The following CYBC1 variants were observed in gnomAD, a reference collection of about 807,000 sequenced individuals.
CYBC1 encodes the protein essential for reactive oxygen species protein.
CYBC1 carries 22 observed loss-of-function variants against 21.7 expected under a neutral mutation model. The observed-to-expected ratio is 1.02, with a 90% CI of 0.73 to 1.45. The LOEUF (loss-of-function observed/expected upper bound fraction) is 1.45. Ranked by LOEUF, CYBC1 falls within the 40% of genes most tolerant of loss-of-function variation. The pLI is 0.00. For synonymous variants in CYBC1, 112 were observed against 98.7 expected (o/e 1.13, Z -0.80); for missense variants, 237 against 242.1 (o/e 0.98, Z 0.14).
intron 5 of CYBC1, 166 bp downstream of exon 5, chr17:82,445,698 G>C (rs892498878): frequency 1.7e-6 from 1 of 573,248 alleles, no homozygotes; most frequent in Non-Finnish European, 3.1e-6. Flanking sequence ...GGGCGTATCC[G>C]TGGGATCCTG....
intron 1 of CYBC1, chr17:82,450,438 G>A (rs1173826073): frequency 6.6e-6 from 1 of 152,232 alleles, no homozygotes; most frequent in East Asian, 1.9e-4. Flanking sequence ...GCGGACACAA[G>A]CACACGCGCG....
chr17:82,448,223 G>A (rs1367255304), intron 2 of CYBC1: 1 of 190,718 alleles, frequency 5.2e-6, no homozygotes, highest in African/African-American at 2.4e-5. Flanking sequence ...CTACTGGTGG[G>A]TAGCGATGGA....
intron 6 of CYBC1, 161 bp downstream of exon 6, chr17:82,444,286 T>C (rs1012173509): frequency 1.5e-5 from 21 of 1,418,554 alleles, no homozygotes; most frequent in Non-Finnish European, 2.0e-5. Flanking sequence ...CCCGTCACAG[T>C]GGGGCTGCCC....
chr17:82,449,684 G>C (rs1317515633), intron 1 of CYBC1: 1 of 166,906 alleles, frequency 6.0e-6, no homozygotes, highest in Non-Finnish European at 1.3e-5. Context: ...CCTCCACCAA[G>C]AAAGGAACTG....
At chr17:82,445,552 C>T in intron 5 of CYBC1, 1 of 260,452 alleles carries the variant, frequency 3.8e-6, no homozygotes. Context: ...CCCGGGTGGG[C>T]CAGACCCCTG....
At chr17:82,444,412 G>A (rs756736470) in intron 6 of CYBC1, 35 bp downstream of exon 6, 20 of 1,574,700 alleles carry the variant, frequency 1.3e-5, no homozygotes, top group Non-Finnish European at 1.7e-5. Context: ...TGCTACGGCT[G>A]CAGCTCCGGC....
At chr17:82,444,624 C>T in intron 5 of CYBC1, 33 bp from the exon 6 acceptor site, 1 of 1,569,000 alleles carries the variant, frequency 6.4e-7, no homozygotes, top group Non-Finnish European at 8.7e-7. Context: ...CGAGCCATCC[C>T]CGCCCACACA....
chr17:82,446,540 C>G, intron 4 of CYBC1, 83 bp downstream of exon 4: 45 of 1,370,030 alleles, frequency 3.3e-5, no homozygotes, highest in Non-Finnish European at 4.3e-5. Flanking sequence ...ACCCAGGGCC[C>G]TTCCTCCTCC....
chr17:82,447,669 A>G (rs1318277857), intron 2 of CYBC1, 48 bp from the exon 3 acceptor site: 1 of 1,537,212 alleles, frequency 6.5e-7, no homozygotes, highest in East Asian at 2.3e-5. Context: ...GTAAGACCCC[A>G]CCTCCCTGGT....
intron 4 of CYBC1, among the ~76,000 whole-genome samples, 162 bp downstream of exon 4, chr17:82,446,461 G>A (rs1049034271): frequency 2.6e-5 from 4 of 152,192 alleles, no homozygotes; most frequent in Admixed American, 6.5e-5. Flanking sequence ...ATGAGTGCAG[G>A]GGCCATGTCC....
At chr17:82,446,731 C>T in intron 3 of CYBC1, 35 bp from the exon 4 acceptor site, 1 of 1,608,356 alleles carries the variant, frequency 6.2e-7, no homozygotes, top group Non-Finnish European at 8.5e-7. Flanking sequence ...CCTGTGAGCT[C>T]CAGGGACATG....
rs1371309210 is a variant in CYBC1, at chr17:82,444,592, C to T, written c.299-1G>A. 6.9e-6 allele frequency: 11 copies of T among 1,599,798 alleles called. No individual in the cohort carries two copies. The highest frequency in any genetic ancestry group is 9.4e-6 in the Non-Finnish European group (11 of 1,169,462). On this transcript the variant is annotated splice_acceptor_variant, in intron 5 of 6. Transcript: ENST00000306645. LOFTEE classifies it high-confidence loss of function. ...CGGACATCATGGAGCAGGACCACCA[C>T]TGCGGGGAGACGGTCAGTGGCCGAG...
At chr17:82,446,038 C>G in intron 4 of CYBC1, 78 bp from the exon 5 acceptor site, 1 of 1,168,068 alleles carries the variant, frequency 8.6e-7, no homozygotes, top group Non-Finnish European at 1.3e-6. Flanking sequence ...CACCCCCACC[C>G]TCACCAGGGT....
chr17:82,443,375 C>T lies in CYBC1; in HGVS notation c.*629G>A, dbSNP rs969284886. On this transcript the variant is annotated 3_prime_UTR_variant, in exon 7 of 7. Transcript: ENST00000306645. This position sits in a 1 kb window ranked among gnomAD's most constrained non-coding sequence, Gnocchi z 6.7. ...GAGATCCTGGCATCAGCAAGGGAGG[C>T]GGGTCCTCGGGGAGGGGCAGCTTCC... 3.5e-5 allele frequency: 17 copies of T among 485,388 alleles called. No individual in the cohort carries two copies. Among genetic ancestry groups the T allele is most frequent in the South Asian group, 2.7e-4 (14 of 51,482 alleles). The allele number at this position is 485,388 out of a possible 1,614,324, so 30.1% of individuals were successfully genotyped here. A position where few individuals can be genotyped will look rare whatever the true frequency, so the allele number is the denominator to read the frequency against.
intron 6 of CYBC1, 51 bp downstream of exon 6, chr17:82,444,395 AG>A: frequency 1.9e-6 from 3 of 1,563,538 alleles, no homozygotes; most frequent in Non-Finnish European, 2.6e-6. Context: ...CAGGAACGGG[AG>A]TGACCTGCTA....
rs955831793 is a variant in CYBC1, at chr17:82,443,950, G to C, written c.*54C>G. The C allele has an allele frequency of 8.8e-6, 14 of 1,599,034 alleles. No individual in the cohort carries two copies. Among genetic ancestry groups the C allele is most frequent in the Admixed American group, 1.7e-5 (1 of 59,682 alleles). The stretch of plus-strand genomic sequence containing the variant: ...GCGGTGCACGGGCTCAGGCACACCG[G>C]GAATGTGCCATGGGTCCTGTGGGCG... On this transcript the variant is annotated 3_prime_UTR_variant, in exon 7 of 7. Transcript: ENST00000306645. The surrounding 1 kb of genome is among the most constrained non-coding windows in gnomAD (Gnocchi z 6.7).
At position 82,447,630 on chromosome 17, in the gene CYBC1, AGAAAGT is replaced by A; in HGVS notation, c.86-15_86-10del. The A allele has an allele frequency of 6.3e-7, 1 of 1,591,102 alleles. No homozygotes were observed. Among genetic ancestry groups the A allele is most frequent in the South Asian group, 1.2e-5 (1 of 86,664 alleles). ...GCCAATCGACAAGATTCCTATGAAG[AGAAAGT>A]GACTGCCTGCCTATTGATCCCGGTA... On this transcript the variant is annotated splice_polypyrimidine_tract_variant and intron_variant, in intron 2 of 6. Transcript: ENST00000306645.
intron 3 of CYBC1, 76 bp downstream of exon 3, chr17:82,447,504 G>A (rs1009363860): frequency 1.4e-5 from 16 of 1,103,906 alleles, no homozygotes; most frequent in Non-Finnish European, 1.6e-5. Context: ...AGTCACAAAT[G>A]ACAGTTTTTC....
In CYBC1 at chr17:82,443,253, G is replaced by C. The variant is rs1240319278; in HGVS notation, c.*751C>G. 3 of 354,688 alleles carry C rather than the reference G, an allele frequency of 8.5e-6. No individual in the cohort carries two copies. The highest frequency in any genetic ancestry group is 1.7e-5 in the Non-Finnish European group (3 of 180,072). 22.0% of individuals were successfully genotyped at this position (354,688 alleles called of 1,614,324 possible). ...AGCACTGCACGATACTAGAAGAGCT[G>C]ACCTTTTTTCTGGCCTCACAGCTTA... On this transcript the variant is annotated 3_prime_UTR_variant, in exon 7 of 7. Coordinates refer to ENST00000306645, the MANE Select transcript of CYBC1 (RefSeq NM_001033046.4). This position sits in a 1 kb window ranked among gnomAD's most constrained non-coding sequence, Gnocchi z 6.7.
Sources: allele counts gnomAD v4.1 joint callset (sites outside exome capture counted in the v4.1 genomes callset), GRCh38; gene constraint gnomAD v4.1.1; non-coding constraint Gnocchi (gnomAD v3.1); transcripts MANE v1.5; gene names NCBI Gene and HGNC (gene_info 2026-07-23, HGNC 2026-07-21).